AGBL4: variants seen among roughly 807,000 people sequenced by gnomAD.
The protein encoded by AGBL4 is cytosolic carboxypeptidase 6.
AGBL4 carries 58 observed loss-of-function variants against 66.4 expected under a neutral mutation model. The ratio of observed to expected loss-of-function variants is 0.87; its 90% confidence interval spans 0.71 to 1.09. The LOEUF (loss-of-function observed/expected upper bound fraction) is 1.09. AGBL4 is among the 50% of genes least tolerant of loss of function. AGBL4 has a pLI of 0.00. For synonymous variants in AGBL4, 234 were observed against 222.9 expected (o/e 1.05, Z -0.44); for missense variants, 579 against 631.0 (o/e 0.92, Z 0.88).
intron 2 of AGBL4, among the ~76,000 whole-genome samples, chr1:49,836,010 A>AT (rs1478264261): frequency 5.3e-5 from 8 of 151,384 alleles, no homozygotes; most frequent in African/African-American, 1.9e-4. Flanking sequence ...TGCCCTTAAC[A>AT]TTTTTTCCTT....
At chr1:48,934,304 CATGA>C (rs1294285839) in intron 5 of AGBL4, among the ~76,000 whole-genome samples, 1 of 152,002 alleles carries the variant, frequency 6.6e-6, no homozygotes, top group Non-Finnish European at 1.5e-5. Flanking sequence ...TAAGGGGCAG[CATGA>C]ATGAACTAGA....
intron 3 of AGBL4, among the ~76,000 whole-genome samples, chr1:49,682,461 T>C (rs1646713599): frequency 6.6e-6 from 1 of 152,206 alleles, no homozygotes; most frequent in African/African-American, 2.4e-5. Flanking sequence ...CTCTCATTAA[T>C]GATTGTGTAA....
At chr1:49,473,435 GTCT>G (rs1184209474) in intron 3 of AGBL4, among the ~76,000 whole-genome samples, 3 of 152,020 alleles carry the variant, frequency 2.0e-5, no homozygotes, top group African/African-American at 7.2e-5. Context: ...CTACTTGTAT[GTCT>G]TCTTCTGAGA....
At chr1:49,016,306 G>C (rs1032844222) in intron 5 of AGBL4, among the ~76,000 whole-genome samples, 13 of 152,116 alleles carry the variant, frequency 8.5e-5, no homozygotes, top group Non-Finnish European at 1.6e-4. Context: ...GAATCACTGG[G>C]GGTTACTCAT....
intron 4 of AGBL4, among the ~76,000 whole-genome samples, chr1:49,112,061 T>G (rs1645423184): frequency 6.6e-6 from 1 of 152,216 alleles, no homozygotes; most frequent in African/African-American, 2.4e-5. Flanking sequence ...AGCAACTGCC[T>G]AGCTTTGTCT....
intron 1 of AGBL4, among the ~76,000 whole-genome samples, chr1:49,858,648 A>C (rs1186619041): frequency 6.6e-6 from 1 of 152,220 alleles, no homozygotes; most frequent in Non-Finnish European, 1.5e-5. Flanking sequence ...GACCACCATC[A>C]AATAGTGATA....
At chr1:49,679,980 A>G (rs924074048) in intron 3 of AGBL4, among the ~76,000 whole-genome samples, 1 of 152,036 alleles carries the variant, frequency 6.6e-6, no homozygotes, top group Admixed American at 6.6e-5. Context: ...AGAGTAGAAG[A>G]AACAATATTT....
chr1:49,044,039 T>C (rs1331067115), intron 5 of AGBL4, among the ~76,000 whole-genome samples: 1 of 152,204 alleles, frequency 6.6e-6, no homozygotes, highest in East Asian at 1.9e-4. Flanking sequence ...AAGCCTCTTT[T>C]AGGGGCACAA....
At chr1:49,047,914 C>T (rs1644119423) in intron 4 of AGBL4, among the ~76,000 whole-genome samples, 1 of 151,858 alleles carries the variant, frequency 6.6e-6, no homozygotes, top group South Asian at 2.1e-4. Flanking sequence ...AGTGAAGAGT[C>T]AAGATTAGAG....
chr1:49,815,254 A>ATGGT (rs1571626007), intron 2 of AGBL4, among the ~76,000 whole-genome samples: 1 of 152,166 alleles, frequency 6.6e-6, no homozygotes, highest in African/African-American at 2.4e-5. Context: ...GATCCCACAA[A>ATGGT]TAACCGAGTA....
chr1:49,371,244 GATAGATACATACATACATAC>G (rs1473221758), intron 3 of AGBL4, among the ~76,000 whole-genome samples: 2 of 141,854 alleles, frequency 1.4e-5, no homozygotes, highest in African/African-American at 2.8e-5. Context: ...TAGATAGATA[GATAGATACATACATACATAC>G]ATACATACAT....
intron 4 of AGBL4, among the ~76,000 whole-genome samples, chr1:49,191,812 A>G (rs1204930258): frequency 2.0e-5 from 3 of 152,192 alleles, no homozygotes; most frequent in East Asian, 3.9e-4. Flanking sequence ...TTATGGCTAC[A>G]TAGTATTCCA....
chr1:49,738,292 G>A (rs867383452), intron 2 of AGBL4, among the ~76,000 whole-genome samples: 6 of 152,174 alleles, frequency 3.9e-5, no homozygotes, highest in Non-Finnish European at 5.9e-5. Flanking sequence ...CTACGCCCAC[G>A]GAGCCCCGCT....
intron 2 of AGBL4, among the ~76,000 whole-genome samples, chr1:49,722,256 A>T (rs1259355557): frequency 1.3e-5 from 2 of 152,130 alleles, no homozygotes; most frequent in East Asian, 3.9e-4. Context: ...TGAAGATATA[A>T]TTTTATATTC....
intron 2 of AGBL4, among the ~76,000 whole-genome samples, chr1:49,762,800 C>T (rs972825261): frequency 6.6e-6 from 1 of 152,118 alleles, no homozygotes; most frequent in Non-Finnish European, 1.5e-5. Context: ...AATCCTTCTC[C>T]CATGCAAATG....
intron 3 of AGBL4, among the ~76,000 whole-genome samples, chr1:49,460,167 T>C (rs998073005): frequency 6.6e-5 from 10 of 151,698 alleles, no homozygotes; most frequent in South Asian, 6.2e-4. Flanking sequence ...TGATGACCTA[T>C]ATAGTGCTGT....
chr1:49,936,744 AT>A (rs761777536), intron 1 of AGBL4, among the ~76,000 whole-genome samples: 2 of 152,212 alleles, frequency 1.3e-5, no homozygotes, highest in African/African-American at 4.8e-5. Flanking sequence ...ACTAAGCTTC[AT>A]AAAAGTGAAG....
intron 3 of AGBL4, among the ~76,000 whole-genome samples, chr1:49,508,102 A>G (rs1648861971): frequency 6.6e-6 from 1 of 151,940 alleles, no homozygotes. Flanking sequence ...ACACTAATCC[A>G]AGATTAAACA....
intron 3 of AGBL4, among the ~76,000 whole-genome samples, chr1:49,315,081 C>T (rs917526145): frequency 7.3e-5 from 11 of 151,390 alleles, no homozygotes; most frequent in African/African-American, 2.7e-4. Flanking sequence ...TGGAACAGAA[C>T]AGAGGCCTCA....
Sources: allele counts gnomAD v4.1 joint callset (sites outside exome capture counted in the v4.1 genomes callset), GRCh38; gene constraint gnomAD v4.1.1; transcripts MANE v1.5; gene names NCBI Gene and HGNC (gene_info 2026-07-23, HGNC 2026-07-21).